PTPRD: variants seen among roughly 807,000 people sequenced by gnomAD.
PTPRD encodes the protein protein tyrosine phosphatase receptor type D, also known as receptor-type tyrosine-protein phosphatase delta.
In PTPRD, 34 loss-of-function variants were observed where a neutral mutation model predicts 214.5. The ratio of observed to expected loss-of-function variants is 0.16; its 90% confidence interval spans 0.12 to 0.21. PTPRD has a LOEUF of 0.21. Ranked by LOEUF, PTPRD falls within the 10% of genes least tolerant of loss-of-function variation. The pLI, the probability that PTPRD is intolerant of heterozygous loss-of-function variation, is 1.00. For missense variants in PTPRD, 2,545 were observed against 2,398.7 expected (o/e 1.06, Z -1.27); for synonymous variants, 1,128 against 845.7 (o/e 1.33, Z -5.79).
chr9:10,279,065 C>T (rs531355217), intron 3 of PTPRD, among the ~76,000 whole-genome samples: 41 of 152,204 alleles, frequency 2.7e-4, no homozygotes, highest in Non-Finnish European at 1.0e-4. Flanking sequence ...TGAGCCACCG[C>T]GCCTGGCCCC....
At chr9:8,990,064 T>A (rs959916877) in intron 11 of PTPRD, among the ~76,000 whole-genome samples, 37 of 152,190 alleles carry the variant, frequency 2.4e-4, no homozygotes, top group African/African-American at 2.4e-5. Context: ...TTTGGACTTG[T>A]CTTTTCCCAT....
At chr9:9,646,527 T>C (rs777919320) in intron 7 of PTPRD, among the ~76,000 whole-genome samples, 1 of 152,184 alleles carries the variant, frequency 6.6e-6, no homozygotes, top group African/African-American at 2.4e-5. Context: ...TGTATCAGAA[T>C]GTAGGTATTA....
intron 2 of PTPRD, among the ~76,000 whole-genome samples, chr9:10,453,880 T>C (rs2098876791): frequency 6.6e-6 from 1 of 151,662 alleles, no homozygotes; most frequent in Admixed American, 6.6e-5. Context: ...CTTCTAGATA[T>C]TAGAAAAAAA....
At chr9:10,127,339 C>A (rs1253203105) in intron 3 of PTPRD, among the ~76,000 whole-genome samples, 1 of 152,050 alleles carries the variant, frequency 6.6e-6, no homozygotes, top group Non-Finnish European at 1.5e-5. Flanking sequence ...AATAATGTGG[C>A]AAAAGAAAAT....
chr9:9,571,659 T>C (rs973528838), intron 8 of PTPRD, among the ~76,000 whole-genome samples: 6 of 151,062 alleles, frequency 4.0e-5, no homozygotes, highest in African/African-American at 1.5e-4. Flanking sequence ...GAATTTTCAT[T>C]TCAAAATTGT....
chr9:9,253,685 A>T (rs2099976419), intron 9 of PTPRD, among the ~76,000 whole-genome samples: 1 of 152,120 alleles, frequency 6.6e-6, no homozygotes, highest in Non-Finnish European at 1.5e-5. Flanking sequence ...GAGGAACTGT[A>T]ATTTTCGTAG....
At chr9:8,948,562 T>TATA (rs2099084921) in intron 11 of PTPRD, among the ~76,000 whole-genome samples, 1 of 99,714 alleles carries the variant, frequency 1.0e-5, no homozygotes, top group African/African-American at 3.9e-5. Flanking sequence ...TTTATATATA[T>TATA]TTATATATAT....
At chr9:10,588,873 A>G (rs1391252400) in intron 2 of PTPRD, among the ~76,000 whole-genome samples, 1 of 152,038 alleles carries the variant, frequency 6.6e-6, no homozygotes, top group Admixed American at 6.6e-5. Flanking sequence ...TTTTCTCCTT[A>G]GCAGATAACA....
intron 39 of PTPRD, among the ~76,000 whole-genome samples, chr9:8,373,925 C>T (rs2381740): frequency 0.069 from 7,406 of 106,814 alleles, 326 homozygotes; most frequent in Admixed American, 0.16. Context: ...TACCTACCTA[C>T]CTATCTCAGT....
intron 10 of PTPRD, among the ~76,000 whole-genome samples, chr9:9,124,338 A>G (rs1480645044): frequency 6.6e-6 from 1 of 152,152 alleles, no homozygotes; most frequent in African/African-American, 2.4e-5. Flanking sequence ...CTATCTAATC[A>G]TTTCCTTGTG....
chr9:9,549,844 T>C (rs2079755926), intron 8 of PTPRD, among the ~76,000 whole-genome samples: 12 of 152,008 alleles, frequency 7.9e-5, no homozygotes, highest in Admixed American at 7.9e-4. Context: ...TAGGAATGTA[T>C]ACAAAACACA....
intron 14 of PTPRD, among the ~76,000 whole-genome samples, chr9:8,611,462 T>A (rs2095442060): frequency 6.6e-6 from 1 of 152,114 alleles, no homozygotes; most frequent in Non-Finnish European, 1.5e-5. Context: ...CCCAGCACTT[T>A]GGAAGCCTGA....
At chr9:8,819,159 A>G (rs1046804342) in intron 11 of PTPRD, among the ~76,000 whole-genome samples, 6 of 152,152 alleles carry the variant, frequency 3.9e-5, no homozygotes, top group African/African-American at 1.4e-4. Context: ...TAAATTAAAC[A>G]CCAAGCACTT....
intron 9 of PTPRD, among the ~76,000 whole-genome samples, chr9:9,199,659 A>C (rs1188761186): frequency 6.6e-6 from 1 of 152,218 alleles, no homozygotes; most frequent in African/African-American, 2.4e-5. Context: ...TAGAATTTTA[A>C]ATATATTTCA....
intron 7 of PTPRD, among the ~76,000 whole-genome samples, chr9:9,624,900 G>A (rs1404306413): frequency 6.6e-6 from 1 of 151,704 alleles, no homozygotes; most frequent in Non-Finnish European, 1.5e-5. Flanking sequence ...CCAGCAGTGT[G>A]GCCTTGGGTT....
intron 11 of PTPRD, among the ~76,000 whole-genome samples, chr9:8,782,534 G>C (rs1362392111): frequency 6.6e-6 from 1 of 151,372 alleles, no homozygotes; most frequent in Non-Finnish European, 1.5e-5. Context: ...CAAGGTAAAT[G>C]GGAAGGGAAC....
At chr9:9,314,177 A>C (rs1961073827) in intron 9 of PTPRD, among the ~76,000 whole-genome samples, 1 of 152,114 alleles carries the variant, frequency 6.6e-6, no homozygotes, top group Non-Finnish European at 1.5e-5. Context: ...AATTTTCATA[A>C]TGAGATTTAT....
Position 8,509,065 on chromosome 9 carries a change from G to T in PTPRD, c.1544-1631C>A, listed in dbSNP as rs1029181683. On this transcript the variant is annotated intron_variant, in intron 21 of 45. Coordinates refer to ENST00000381196, the MANE Select transcript of PTPRD (RefSeq NM_002839.4). Reference sequence around the variant, plus strand: ...AGTCTCATTGATTTGATGCCTCTGGGAGCTTACCTTCTGAACAGAGTATCA... The same window carrying T: ...AGTCTCATTGATTTGATGCCTCTGGTAGCTTACCTTCTGAACAGAGTATCA... Among the ~76,000 whole-genome samples the T allele has an allele frequency of 5.9e-5, 9 of 152,078 alleles. No homozygotes were observed. In the East Asian group the frequency reaches 1.7e-3, roughly 29 times the overall value.
intron 4 of PTPRD, among the ~76,000 whole-genome samples, chr9:9,959,138 T>C (rs563836849): frequency 1.2e-4 from 18 of 152,324 alleles, no homozygotes; most frequent in African/African-American, 3.8e-4. Flanking sequence ...AATTGTAGTA[T>C]ATCTATATAA....
Sources: gnomAD v4.1 joint callset for allele counts (sites outside exome capture counted in the v4.1 genomes callset) on GRCh38, gnomAD v4.1.1 for gene constraint, MANE v1.5 for transcripts, NCBI Gene and HGNC (gene_info 2026-07-23, HGNC 2026-07-21) for gene names.